The following CDKL1 variants were observed in gnomAD, a reference collection of about 807,000 sequenced individuals.
CDKL1 encodes the protein cyclin dependent kinase like 1, also known as cyclin-dependent kinase-like 1.
A neutral mutation model predicts 42.0 loss-of-function variants in CDKL1; 41 were observed. The observed-to-expected ratio is 0.98, with a 90% CI of 0.76 to 1.27. The LOEUF (loss-of-function observed/expected upper bound fraction) is 1.27. Ranked by LOEUF, CDKL1 falls within the 50% of genes most tolerant of loss-of-function variation. CDKL1 has a pLI of 0.00. For synonymous variants in CDKL1, 153 were observed against 158.6 expected, an observed-to-expected ratio of 0.96 and a Z score of 0.26; for missense variants, 394 against 428.4, an observed-to-expected ratio of 0.92 and a Z score of 0.71.
intron 2 of CDKL1, among the ~76,000 whole-genome samples, chr14:50,373,168 A>G (rs1747621071): frequency 6.6e-6 from 1 of 152,190 alleles, no homozygotes; most frequent in African/African-American, 2.4e-5. Flanking sequence ...TGTTAAAAAA[A>G]CACTATAAAC....
At chr14:50,377,594 A>G (rs1425523852) in intron 2 of CDKL1, 2 of 1,356,428 alleles carry the variant, frequency 1.5e-6, no homozygotes, top group East Asian at 4.7e-5. Flanking sequence ...AACTGGATCA[A>G]TCATGGAGCA....
chr14:50,392,994 C>G (rs1028421394), intron 2 of CDKL1, among the ~76,000 whole-genome samples: 2 of 152,068 alleles, frequency 1.3e-5, no homozygotes, highest in African/African-American at 4.8e-5. Context: ...TGGCTTCCCC[C>G]TTCCTTCTCT....
chr14:50,370,597 A>C (rs1012570523), intron 2 of CDKL1, among the ~76,000 whole-genome samples: 1 of 152,186 alleles, frequency 6.6e-6, no homozygotes, highest in Admixed American at 6.5e-5. Context: ...GAGACTGGGT[A>C]ATTTATAGAG....
In CDKL1 at chr14:50,335,563, A is replaced by G. The variant is rs768728976; in HGVS notation, c.739-942T>C. 6.5e-6 allele frequency: 10 copies of G among 1,535,962 alleles called. No homozygotes were observed. In the South Asian group the frequency reaches 7.1e-5, roughly 11 times the overall value. On this transcript the variant is annotated intron_variant, in intron 7 of 9. Transcript: ENST00000395834. ...GCTGGAGACAATCAGGAATAACACTATAAATGGGAGGAATGCCGAATGTCA... is the reference window on the plus strand; with the variant it reads ...GCTGGAGACAATCAGGAATAACACTGTAAATGGGAGGAATGCCGAATGTCA...
intron 2 of CDKL1, chr14:50,378,445 A>T (rs771867661): frequency 1.2e-5 from 17 of 1,365,478 alleles, no homozygotes; most frequent in Non-Finnish European, 1.7e-5. Context: ...GGAAAAGGGG[A>T]AATTCATTAA....
At chr14:50,390,215 C>A in intron 2 of CDKL1, 1 of 1,365,010 alleles carries the variant, frequency 7.3e-7, no homozygotes, top group Non-Finnish European at 9.8e-7. Context: ...GACAATGTCC[C>A]AGCTGCTGCT....
At chr14:50,359,665 G>C (rs764279310) in intron 2 of CDKL1, among the ~76,000 whole-genome samples, 1 of 151,868 alleles carries the variant, frequency 6.6e-6, no homozygotes, top group Non-Finnish European at 1.5e-5. Flanking sequence ...TACGAACGAC[G>C]GCATCAGGGT....
intron 2 of CDKL1, among the ~76,000 whole-genome samples, chr14:50,388,569 C>T (rs562611144): frequency 6.6e-6 from 1 of 152,350 alleles, no homozygotes; most frequent in African/African-American, 2.4e-5. Flanking sequence ...GCCCTTCTGT[C>T]TGTGCTTTCC....
intron 2 of CDKL1, chr14:50,377,449 T>C: frequency 2.1e-6 from 1 of 479,928 alleles, no homozygotes; most frequent in Non-Finnish European, 2.9e-6. Context: ...ACTCCTGCTC[T>C]CTGGTATCAC....
intron 2 of CDKL1, 127 bp from the exon 3 acceptor site, chr14:50,359,276 A>T: frequency 9.3e-7 from 1 of 1,075,306 alleles, no homozygotes; most frequent in Non-Finnish European, 1.3e-6. Flanking sequence ...GGAGGCTGTA[A>T]ACAGTATCAT....
At position 50,337,756 on chromosome 14, in the gene CDKL1, C is replaced by G. The variant is rs369946156; in HGVS notation, c.738+1191G>C. Among the ~76,000 whole-genome samples, 78 of 150,194 alleles carry G rather than the reference C, an allele frequency of 5.2e-4. 1 individual carries two copies. The South Asian group carries it at 0.014, about 28-fold the overall frequency. ...GCTAGAGTGCAGCGATCTCAGGTCA[C>G]TGCGGCCTCAACTTCCTAAGCTCAG... On this transcript the variant is annotated intron_variant, in intron 7 of 9. Transcript: ENST00000395834.
At chr14:50,374,414 T>C (rs982388472) in intron 2 of CDKL1, among the ~76,000 whole-genome samples, 2 of 152,184 alleles carry the variant, frequency 1.3e-5, no homozygotes, top group Non-Finnish European at 1.5e-5. Context: ...CCTTAAGATA[T>C]GCAAAGTGTT....
chr14:50,341,651 C>T (rs2033545244), intron 5 of CDKL1, among the ~76,000 whole-genome samples: 1 of 152,022 alleles, frequency 6.6e-6, no homozygotes, highest in African/African-American at 2.4e-5. Flanking sequence ...TGTGGTGGCT[C>T]ATGCCTGTAG....
At chr14:50,348,161 G>A (rs980738527) in intron 3 of CDKL1, among the ~76,000 whole-genome samples, 11 of 152,168 alleles carry the variant, frequency 7.2e-5, no homozygotes, top group Admixed American at 2.6e-4. Flanking sequence ...CCTAGAAAGC[G>A]AAAATCTAAG....
intron 8 of CDKL1, 88 bp from the exon 9 acceptor site, chr14:50,332,520 CTT>C: frequency 6.6e-7 from 1 of 1,512,160 alleles, no homozygotes; most frequent in South Asian, 1.3e-5. Context: ...AAAGATGAAA[CTT>C]CAGTTGCAAT....
intron 2 of CDKL1, chr14:50,363,018 C>T (rs1325249718): frequency 2.2e-6 from 1 of 450,476 alleles, no homozygotes. Flanking sequence ...ACTCTTGAAG[C>T]CAGGGAGACC....
chr14:50,370,241 G>C (rs535767968), intron 2 of CDKL1, among the ~76,000 whole-genome samples: 2 of 152,002 alleles, frequency 1.3e-5, no homozygotes, highest in South Asian at 4.2e-4. Flanking sequence ...GCTAGTTTTT[G>C]TATTTTTAGT....
rs780275235 is a variant in CDKL1 at position 50,341,093 on chromosome 14, T to C, written c.594A>G (p.Gly198=). The C allele has an allele frequency of 1.2e-5, 20 of 1,614,052 alleles. No individual in the cohort carries two copies. Among genetic ancestry groups the C allele is most frequent in the Non-Finnish European group, 8.5e-7 (1 of 1,180,038 alleles). Residue 198 remains glycine, a synonymous_variant, in exon 6 of 10, where the codon GGA becomes GGG. Coordinates refer to ENST00000395834, the MANE Select transcript of CDKL1 (RefSeq NM_004196.7). ...IGCVFAELLS[G]VPLWPGKSDV... ...CCGATTTTCCTGGCCACAGAGGCAC[T>C]CCTGACAGCAGCTCAGCAAAGACAC...
chr14:50,375,224 C>T (rs554069682), intron 2 of CDKL1, among the ~76,000 whole-genome samples: 1 of 152,276 alleles, frequency 6.6e-6, no homozygotes, highest in East Asian at 1.9e-4. Flanking sequence ...GCAAACCCTA[C>T]ATTGATGGAA....
Sources: gnomAD v4.1 joint callset for allele counts (sites outside exome capture counted in the v4.1 genomes callset) on GRCh38, gnomAD v4.1.1 for gene constraint, MANE v1.5 for transcripts, NCBI Gene and HGNC (gene_info 2026-07-23, HGNC 2026-07-21) for gene names.